PPARA: variants seen among roughly 807,000 people sequenced by gnomAD.
PPARA encodes peroxisome proliferator-activated receptor alpha.
PPARA carries 22 observed loss-of-function variants against 42.2 expected under a neutral mutation model. The ratio of observed to expected loss-of-function variants is 0.52; its 90% CI spans 0.37 to 0.74. PPARA has a LOEUF of 0.74. Among genes scored for constraint, PPARA ranks in the 30% least tolerant of loss-of-function variants. The pLI is 0.00. For synonymous variants in PPARA, 242 were observed against 239.3 expected, an observed-to-expected ratio of 1.01 and a Z score of -0.10; for missense variants, 465 against 608.2, an observed-to-expected ratio of 0.76 and a Z score of 2.48.
In PPARA at chr22:46,212,682, G is replaced by A. The variant is rs1934055627; in HGVS notation, c.209-2491G>A. Among the ~76,000 whole-genome samples the A allele has an allele frequency of 6.6e-6, 1 of 152,068 alleles. No homozygotes were observed. The highest frequency in any genetic ancestry group is 6.6e-5 in the Admixed American group (1 of 15,248). On this transcript the variant is annotated intron_variant, in intron 4 of 8. Transcript: ENST00000407236. This position sits in a 1 kb window ranked among gnomAD's most constrained non-coding sequence, Gnocchi z 4.2. ...TATTCACCTATCTAAGGGCATCTTGGTTGCTTCCAATTTTTGGCAATTAAT... is the reference window on the plus strand; with the variant it reads ...TATTCACCTATCTAAGGGCATCTTGATTGCTTCCAATTTTTGGCAATTAAT...
chr22:46,188,364 C>G lies in PPARA; in HGVS notation c.-42-9978C>G, dbSNP rs893706815. ...GCTGTTCCCTTTTCCTTGAAATGGC[C>G]CTTACCCTCCTTTCTGTTGGGTTTT... On this transcript the variant is annotated intron_variant, in intron 3 of 8. Transcript: ENST00000407236. This position sits in a 1 kb window ranked among gnomAD's most constrained non-coding sequence, Gnocchi z 5.0. Among the ~76,000 whole-genome samples the G allele has an allele frequency of 6.6e-5, 10 of 152,266 alleles. No homozygotes were observed. The highest frequency in any genetic ancestry group is 2.4e-4 in the African/African-American group (10 of 41,554).
chr22:46,198,179 A>G (rs1306032152), intron 3 of PPARA, among the ~76,000 whole-genome samples, 163 bp from the exon 4 acceptor site: 5 of 146,276 alleles, frequency 3.4e-5, no homozygotes, highest in African/African-American at 1.0e-4. Context: ...CGGAGCTTGC[A>G]GTGAGCCGAG....
chr22:46,186,290 G>T (rs575517314), intron 3 of PPARA, among the ~76,000 whole-genome samples: 46 of 152,074 alleles, frequency 3.0e-4, no homozygotes, highest in Admixed American at 7.9e-4. Flanking sequence ...TACTTGTAAG[G>T]TCTCACATAA....
intron 2 of PPARA, among the ~76,000 whole-genome samples, chr22:46,175,072 C>T (rs62225955): frequency 0.067 from 10,218 of 151,918 alleles, 408 homozygotes; most frequent in Non-Finnish European, 0.092. Context: ...CCACACCTGG[C>T]TCGTTTTTAT....
In PPARA at chr22:46,203,267, T is replaced by A. The variant is rs1932938446; in HGVS notation, c.208+4676T>A. On this transcript the variant is annotated intron_variant, in intron 4 of 8. Transcript: ENST00000407236. The surrounding 1 kb of genome is among the most constrained non-coding windows in gnomAD (Gnocchi z 5.8). ...TTTGTACCTAATCTGATCTTTTGGG[T>A]AATATTCCTAGTTATGTAGACTGGT... is the stretch of plus-strand genomic sequence containing the variant. Among the ~76,000 whole-genome samples the A allele has an allele frequency of 6.6e-6, 1 of 152,214 alleles. No individual in the cohort carries two copies. The highest frequency in any genetic ancestry group is 1.5e-5 in the Non-Finnish European group (1 of 68,022).
intron 4 of PPARA, among the ~76,000 whole-genome samples, chr22:46,205,875 C>T (rs2147457403): frequency 6.6e-6 from 1 of 152,044 alleles, no homozygotes; most frequent in East Asian, 1.9e-4. Context: ...TTGTTCTGAA[C>T]ACTACTTTGT....
intron 2 of PPARA, among the ~76,000 whole-genome samples, chr22:46,168,966 A>G (rs1275410910): frequency 6.6e-6 from 1 of 151,974 alleles, no homozygotes; most frequent in Non-Finnish European, 1.5e-5. Context: ...GCTACACATT[A>G]TGGGAAAGGC....
rs560981880 is a variant in PPARA at position 46,193,899 on chromosome 22, C to A, written c.-42-4443C>A. Among the ~76,000 whole-genome samples the A allele has an allele frequency of 4.6e-5, 7 of 152,306 alleles. No homozygotes were observed. The South Asian group carries it at 1.4e-3, about 32-fold the overall frequency. On this transcript the variant is annotated intron_variant, in intron 3 of 8. Coordinates refer to ENST00000407236, the MANE Select transcript of PPARA (RefSeq NM_005036.6). The surrounding 1 kb of genome is among the most constrained non-coding windows in gnomAD (Gnocchi z 5.3). ...ATGGTTGGTTATGCCTTGATCCCCC[C>A]CAGAGCATTTGGGGCATAGGACACG...
Position 46,198,508 on chromosome 22 carries a change from G to C in PPARA, c.125G>C (p.Gly42Ala). ...GNIQEISQSIGEDSSGSFGFT... is the reference protein window; with the variant it reads ...GNIQEISQSIAEDSSGSFGFT... ...ATCCAAGAGATTTCGCAATCCATCG[G>C]CGAGGATAGTTCTGGAAGCTTTGGC... The change falls in exon 4 of 9, where the codon GGC becomes GCC. Residue 42 changes from glycine (G) to alanine (A), a missense_variant. Around this residue, in one of 2 missense-constraint regions of PPARA, gnomAD observed 152 missense variants for 139.1 expected, o/e 1.09. Coordinates refer to ENST00000407236, the MANE Select transcript of PPARA (RefSeq NM_005036.6). 2 of 1,614,030 alleles carry C rather than the reference G, an allele frequency of 1.2e-6. No homozygotes were observed. Among genetic ancestry groups the C allele is most frequent in the Non-Finnish European group, 1.7e-6 (2 of 1,180,004 alleles).
At chr22:46,213,185 G>T (rs1934103019) in intron 4 of PPARA, among the ~76,000 whole-genome samples, 1 of 152,118 alleles carries the variant, frequency 6.6e-6, no homozygotes, top group South Asian at 2.1e-4. Context: ...ATGAATGGGG[G>T]TTCCTGTTGC....
intron 4 of PPARA, among the ~76,000 whole-genome samples, chr22:46,214,872 T>C (rs917060503): frequency 6.8e-6 from 1 of 146,564 alleles, no homozygotes; most frequent in African/African-American, 2.5e-5. Flanking sequence ...GGCCCGGAGA[T>C]ATGCGGGGCG....
At position 46,212,000 on chromosome 22, in the gene PPARA, T is replaced by A. The variant is rs957996470; in HGVS notation, c.209-3173T>A. ...AGCCACCACACCCGGTCTCTCTCCT[T>A]CCTTTCCTTTCCTCTCCTTTCCTTT... is the stretch of plus-strand genomic sequence containing the variant. On this transcript the variant is annotated intron_variant, in intron 4 of 8. Coordinates refer to ENST00000407236, the MANE Select transcript of PPARA (RefSeq NM_005036.6). This position sits in a 1 kb window ranked among gnomAD's most constrained non-coding sequence, Gnocchi z 4.1. 1.3e-5 allele frequency among the ~76,000 whole-genome samples: 2 copies of A among 150,454 alleles called. No homozygotes were observed. Among genetic ancestry groups the A allele is most frequent in the Middle Eastern group, 3.3e-3 (1 of 302 alleles).
chr22:46,167,844 A>G lies in PPARA; in HGVS notation c.-126-8909A>G, dbSNP rs573152065. 6.6e-6 allele frequency among the ~76,000 whole-genome samples: 1 copy of G among 151,898 alleles called. No homozygotes were observed. The highest frequency in any genetic ancestry group is 6.6e-5 in the Admixed American group (1 of 15,248). ...GATAGCTTGAGGCCAGGAGTCCGAG[A>G]GCAGCCTGGGCAACATAACAAGAGT... is the stretch of plus-strand genomic sequence containing the variant. On this transcript the variant is annotated intron_variant, in intron 2 of 8. Coordinates refer to ENST00000407236, the MANE Select transcript of PPARA (RefSeq NM_005036.6). This position sits in a 1 kb window ranked among gnomAD's most constrained non-coding sequence, Gnocchi z 4.1.
chr22:46,218,208 G>GC (rs1485814526), intron 5 of PPARA, 55 bp from the exon 6 acceptor site: 3 of 1,605,076 alleles, frequency 1.9e-6, no homozygotes, highest in Non-Finnish European at 2.6e-6. Flanking sequence ...TAAAGCAAGT[G>GC]CGCTGGTTTC....
chr22:46,179,460 A>G (rs1360025355), intron 3 of PPARA, among the ~76,000 whole-genome samples: 1 of 152,258 alleles, frequency 6.6e-6, no homozygotes, highest in Non-Finnish European at 1.5e-5. Context: ...GCAATTTGGT[A>G]GAGAAAGGAC....
Position 46,231,921 on chromosome 22 carries a change from G to GC in PPARA, c.841_842insC (p.Val281AlafsTer35), listed in dbSNP as rs1935900251. 1 of 1,614,158 alleles carries GC rather than the reference G, an allele frequency of 6.2e-7. No homozygotes were observed. Among genetic ancestry groups the GC allele is most frequent in the African/African-American group, 1.3e-5 (1 of 74,950 alleles). ...CTTTCACTGCTGCCAGTGCACGTCA[G>GC]TGGAGACCGTCACGGAGCTCACGGA... On this transcript the variant is annotated frameshift_variant, in exon 8 of 9. Coordinates refer to ENST00000407236, the MANE Select transcript of PPARA (RefSeq NM_005036.6). LOFTEE classifies it high-confidence loss of function. This position sits in a 1 kb window ranked among gnomAD's most constrained non-coding sequence, Gnocchi z 7.7.
In PPARA at chr22:46,167,025, G is replaced by A. The variant is rs1927178356; in HGVS notation, c.-126-9728G>A. On this transcript the variant is annotated intron_variant, in intron 2 of 8. Coordinates refer to ENST00000407236, the MANE Select transcript of PPARA (RefSeq NM_005036.6). This position sits in a 1 kb window ranked among gnomAD's most constrained non-coding sequence, Gnocchi z 4.1. ...AATCAAGACAGTATGGTATTGATAT[G>A]AAAATAGACCATTAGATGAATGGAA... Among the ~76,000 whole-genome samples, 1 of 152,204 alleles carries A rather than the reference G, an allele frequency of 6.6e-6. No individual in the cohort carries two copies. Among genetic ancestry groups the A allele is most frequent in the Admixed American group, 6.5e-5 (1 of 15,276 alleles).
chr22:46,205,544 A>ATG (rs1933184889), intron 4 of PPARA, among the ~76,000 whole-genome samples: 3 of 30,288 alleles, frequency 9.9e-5, no homozygotes, highest in African/African-American at 5.1e-4. Flanking sequence ...ATATATATAT[A>ATG]TATATATATA....
chr22:46,206,975 C>T (rs1569227408), intron 4 of PPARA, among the ~76,000 whole-genome samples: 1 of 152,070 alleles, frequency 6.6e-6, no homozygotes, highest in Non-Finnish European at 1.5e-5. Context: ...GTAATCCGAG[C>T]ACTTTGGGAG....
Sources: allele counts gnomAD v4.1 joint callset (sites outside exome capture counted in the v4.1 genomes callset), GRCh38; gene constraint gnomAD v4.1.1; regional missense constraint gnomAD v4.1.1; non-coding constraint Gnocchi (gnomAD v3.1); transcripts MANE v1.5; gene names NCBI Gene and HGNC (gene_info 2026-07-23, HGNC 2026-07-21).